The following KCNK9 variants were observed in gnomAD, a reference collection of about 807,000 sequenced individuals.
KCNK9 encodes the protein potassium two pore domain channel subfamily K member 9.
In KCNK9, 1 loss-of-function variant was observed where a neutral mutation model predicts 10.8. The observed-to-expected ratio is 0.09, with a 90% CI of 0.03 to 0.44. The LOEUF is 0.44. Among genes scored for constraint, KCNK9 ranks in the 20% least tolerant of loss-of-function variants. The probability of loss-of-function intolerance (pLI) is 0.97; values close to 1 mark genes in which losing one functional copy is unlikely to be tolerated. For missense variants in KCNK9, 303 were observed against 515.0 expected (o/e 0.59, Z 3.98); for synonymous variants, 231 against 222.7 (o/e 1.04, Z -0.33).
chr8:139,634,199 G>T (rs1195372593), intron 1 of KCNK9, among the ~76,000 whole-genome samples: 1 of 152,218 alleles, frequency 6.6e-6, no homozygotes, highest in Non-Finnish European at 1.5e-5. Flanking sequence ...AATGGCTTCA[G>T]GGACCAGGTA....
At chr8:139,672,581 C>T (rs149361975) in intron 1 of KCNK9, among the ~76,000 whole-genome samples, 9 of 152,334 alleles carry the variant, frequency 5.9e-5, no homozygotes, top group East Asian at 5.8e-4. Flanking sequence ...CCCATGGCAA[C>T]GGCCCCTCGC....
intron 1 of KCNK9, among the ~76,000 whole-genome samples, chr8:139,669,901 G>A (rs1193937259): frequency 6.6e-6 from 1 of 152,224 alleles, no homozygotes; most frequent in East Asian, 1.9e-4. Context: ...TCCATGGGCT[G>A]CAGAAAGGAT....
intron 1 of KCNK9, among the ~76,000 whole-genome samples, chr8:139,672,934 G>T (rs1304415370): frequency 6.6e-6 from 1 of 152,224 alleles, no homozygotes; most frequent in African/African-American, 2.4e-5. Context: ...AGGCGGGAGA[G>T]GGCAGGCTCA....
Position 139,618,315 on chromosome 8 carries a change from A to G in KCNK9, c.1068T>C (p.Pro356=). 1 of 1,614,174 alleles carries G rather than the reference A, an allele frequency of 6.2e-7. No individual in the cohort carries two copies. The highest frequency in any genetic ancestry group is 1.3e-5 in the African/African-American group (1 of 75,048). Residue 356 remains proline, a synonymous_variant, in exon 2 of 2, where the codon CCT becomes CCC. Coordinates refer to ENST00000520439, the MANE Select transcript of KCNK9 (RefSeq NM_001282534.2). This position sits in a 1 kb window ranked among gnomAD's most constrained non-coding sequence, Gnocchi z 7.9. ...GGTGGTCGGTAAAGCTGTGTAACCC[A>G]GGAGAGATGGAGCTAATAGGCGATG... is the stretch of plus-strand genomic sequence containing the variant. ...LFPSPISSIS[P]GLHSFTDHQR... is the part of the protein sequence containing the mutation.
At chr8:139,627,166 T>C in intron 1 of KCNK9, among the ~76,000 whole-genome samples, 1 of 152,144 alleles carries the variant, frequency 6.6e-6, no homozygotes. Flanking sequence ...GCAAGGGCAA[T>C]ATGGAATGAA....
chr8:139,638,555 G>T (rs1357156524), intron 1 of KCNK9, among the ~76,000 whole-genome samples: 1 of 152,328 alleles, frequency 6.6e-6, no homozygotes, highest in Non-Finnish European at 1.5e-5. Flanking sequence ...GAGGAGAGGG[G>T]CACACGGGCT....
At chr8:139,645,196 C>A (rs115045327) in intron 1 of KCNK9, among the ~76,000 whole-genome samples, 3,243 of 152,328 alleles carry the variant, frequency 0.021, 111 homozygotes, top group African/African-American at 0.072. Flanking sequence ...TCTCCAGGTG[C>A]TGTGGGCCCG....
downstream of KCNK9, chr8:139,601,008 G>C (rs1158840660): frequency 6.6e-6 from 1 of 152,184 alleles, no homozygotes; most frequent in African/African-American, 2.4e-5. Flanking sequence ...GCATCTGTAT[G>C]ACTCAGAGGC....
chr8:139,615,681 A>G (rs1438180249), downstream of KCNK9: 1 of 152,204 alleles, frequency 6.6e-6, no homozygotes, highest in Non-Finnish European at 1.5e-5. Flanking sequence ...AATAGAGCCA[A>G]GATAAATTAC....
At chr8:139,657,446 G>T (rs1816049050) in intron 1 of KCNK9, among the ~76,000 whole-genome samples, 1 of 152,184 alleles carries the variant, frequency 6.6e-6, no homozygotes, top group African/African-American at 2.4e-5. Flanking sequence ...GCAGGAGCCG[G>T]GGAGGACCTG....
chr8:139,676,344 C>G (rs1816550111), intron 1 of KCNK9, among the ~76,000 whole-genome samples: 1 of 152,248 alleles, frequency 6.6e-6, no homozygotes, highest in Non-Finnish European at 1.5e-5. Context: ...TAGCTGGCTA[C>G]TTGTTGTCTC....
chr8:139,666,035 C>T (rs1364538050), intron 1 of KCNK9, among the ~76,000 whole-genome samples: 4 of 152,204 alleles, frequency 2.6e-5, no homozygotes, highest in Admixed American at 1.3e-4. Flanking sequence ...CCAAGCACCC[C>T]GGGAGCTGTG....
At chr8:139,689,559 T>G (rs950026246) in intron 1 of KCNK9, among the ~76,000 whole-genome samples, 2 of 152,126 alleles carry the variant, frequency 1.3e-5, no homozygotes, top group Admixed American at 1.3e-4. Flanking sequence ...GCCAATGGTA[T>G]GTGGGAGAAG....
At chr8:139,637,984 GC>G (rs1815390902) in intron 1 of KCNK9, among the ~76,000 whole-genome samples, 6 of 152,010 alleles carry the variant, frequency 3.9e-5, no homozygotes. Context: ...CAACACATGT[GC>G]AGGTCAAACA....
intron 1 of KCNK9, among the ~76,000 whole-genome samples, chr8:139,636,516 T>G (rs865887398): frequency 1.3e-5 from 2 of 152,214 alleles, no homozygotes; most frequent in Non-Finnish European, 2.9e-5. Context: ...TAGACTCAGC[T>G]CCTGCTGCTG....
chr8:139,680,514 C>T (rs965129856), intron 1 of KCNK9, among the ~76,000 whole-genome samples: 1 of 152,188 alleles, frequency 6.6e-6, no homozygotes, highest in Non-Finnish European at 1.5e-5. Flanking sequence ...TGGATCCTTA[C>T]CCATGGAGGA....
rs35118138 is a variant in KCNK9, at chr8:139,660,449, A to AATATAT, written c.284-41356_284-41351dup. Among the ~76,000 whole-genome samples, 14 of 131,192 alleles carry AATATAT rather than the reference A, an allele frequency of 1.1e-4. No individual in the cohort carries two copies. In the South Asian group the frequency reaches 1.7e-3, roughly 16 times the overall value. The allele number at this position is 131,192 out of a possible 152,430, so 86.1% of individuals were successfully genotyped here. A position where few individuals can be genotyped will look rare whatever the true frequency, so the allele number is the denominator to read the frequency against. On this transcript the variant is annotated intron_variant, in intron 1 of 1. Transcript: ENST00000520439. ...GTGAAACCCGTCTCTGCTAAAAAAA[A>AATATAT]ATATATATATATATATATATATTAG... is the stretch of plus-strand genomic sequence containing the variant.
At chr8:139,612,969 T>C (rs1019544770), downstream of KCNK9, among the ~76,000 whole-genome samples, 20 of 152,070 alleles carry the variant, frequency 1.3e-4, no homozygotes, top group Admixed American at 9.2e-4. Context: ...AGACAAGCAA[T>C]TATGGGAGGT....
chr8:139,665,591 T>C (rs913107409), intron 1 of KCNK9, among the ~76,000 whole-genome samples: 2 of 152,250 alleles, frequency 1.3e-5, no homozygotes, highest in African/African-American at 4.8e-5. Flanking sequence ...GGTGCCTACC[T>C]TGCCCTGGCT....
Sources: gnomAD v4.1 joint callset for allele counts (sites outside exome capture counted in the v4.1 genomes callset) on GRCh38, gnomAD v4.1.1 for gene constraint, Gnocchi (gnomAD v3.1) non-coding constraint, MANE v1.5 for transcripts, NCBI Gene and HGNC (gene_info 2026-07-23, HGNC 2026-07-21) for gene names.